The following MYO1C variants were observed in gnomAD, a reference collection of about 807,000 sequenced individuals.
The protein encoded by MYO1C is unconventional myosin-Ic.
Under a neutral mutation model 150.8 loss-of-function variants are expected in MYO1C, and 104 were observed. That is an observed-to-expected ratio of 0.69 (90% confidence interval 0.59 to 0.81). MYO1C has a LOEUF of 0.81. Ranked by LOEUF, MYO1C falls within the 30% of genes least tolerant of loss-of-function variation. The pLI, the probability that MYO1C is intolerant of heterozygous loss-of-function variation, is 0.00. For synonymous variants in MYO1C, 663 were observed against 579.9 expected (o/e 1.14, Z -2.06); for missense variants, 1,504 against 1,435.0 (o/e 1.05, Z -0.78).
chr17:1,470,123 C>T lies in MYO1C; in HGVS notation c.2526+52G>A, dbSNP rs1458000204. ...TCCTTTGGCCCGAAGAAATCAGACC[C>T]TTCTGCTGTGTACTATGATGGTCCC... On this transcript the variant is annotated intron_variant, in intron 24 of 31. Transcript: ENST00000648651. The T allele has an allele frequency of 3.9e-6, 6 of 1,556,798 alleles. No individual in the cohort carries two copies. The East Asian group carries it at 9.0e-5, about 23-fold the overall frequency.
rs1300292212 is a variant in MYO1C, at chr17:1,478,602, G to A, written c.1212+14C>T. ...TCCCTTCTGCCTTGGGAGCAGTGTG[G>A]ACCGAGCCCTCACCTTGGAGGCCAG... On this transcript the variant is annotated intron_variant, in intron 10 of 31. Transcript: ENST00000648651. The surrounding 1 kb of genome is among the most constrained non-coding windows in gnomAD (Gnocchi z 6.3). 6.2e-7 allele frequency: 1 copy of A among 1,613,972 alleles called. No individual in the cohort carries two copies. Among genetic ancestry groups the A allele is most frequent in the East Asian group, 2.2e-5 (1 of 44,876 alleles).
chr17:1,488,156 C>A (rs796491368), intron 1 of MYO1C, among the ~76,000 whole-genome samples: 1 of 150,906 alleles, frequency 6.6e-6, no homozygotes. Flanking sequence ...CAGTGTCCGC[C>A]CCGCCCCTCC....
intron 19 of MYO1C, among the ~76,000 whole-genome samples, chr17:1,471,703 G>A (rs2074306799): frequency 6.6e-6 from 1 of 152,178 alleles, no homozygotes; most frequent in East Asian, 1.9e-4. Flanking sequence ...GCTCCTGGAG[G>A]GCACGGCCTG....
rs371600599 is a variant in MYO1C, at chr17:1,474,825, C to T, written c.1703G>A (p.Arg568Gln). 46 of 1,613,884 alleles carry T rather than the reference C, an allele frequency of 2.9e-5. 1 individual carries two copies. Among genetic ancestry groups the T allele is most frequent in the Middle Eastern group, 1.6e-4 (1 of 6,084 alleles). Reference sequence around the variant, plus strand: ...CGTCCTCCTCACCTCCTTAAGGTTCCGGAAGAGAAGGTCATTGTTTTTGTC... The same window carrying T: ...CGTCCTCCTCACCTCCTTAAGGTTCTGGAAGAGAAGGTCATTGTTTTTGTC... ...FLDKNNDLLFRNLKETMCSSK... is the reference protein window; with the variant it reads ...FLDKNNDLLFQNLKETMCSSK... The change falls in exon 16 of 32, where the codon CGG becomes CAG. Residue 568 changes from arginine to glutamine, a missense_variant. Transcript: ENST00000648651.
rs45575936 is a variant in MYO1C, at chr17:1,468,520, A to G, written c.2611-24T>C. The G allele has an allele frequency of 0.067, 107,210 of 1,594,588 alleles. 4,336 individuals carry two copies. The highest frequency in any genetic ancestry group is 0.083 in the Non-Finnish European group (95,960 of 1,163,118). The stretch of plus-strand genomic sequence containing the variant: ...AGCTGAGGAGACAAGGGGGGTGAGG[A>G]GAGTGTCATGGTGGGGAGCACCATC... On this transcript the variant is annotated intron_variant, in intron 25 of 31. Coordinates refer to ENST00000648651, the MANE Select transcript of MYO1C (RefSeq NM_001080779.2).
intron 17 of MYO1C, among the ~76,000 whole-genome samples, chr17:1,474,285 G>A (rs1022505444): frequency 3.9e-5 from 6 of 151,958 alleles, no homozygotes; most frequent in South Asian, 4.2e-4. Context: ...AAAATTAGCC[G>A]GGCATGGTGG....
intron 1 of MYO1C, among the ~76,000 whole-genome samples, chr17:1,490,242 A>C (rs1024506357): frequency 4.6e-5 from 7 of 151,712 alleles, no homozygotes; most frequent in Admixed American, 3.3e-4. Flanking sequence ...TCAGGCCTGT[A>C]ATCCCAGCAC....
Position 1,465,632 on chromosome 17 carries a change from T to C in MYO1C, c.*94A>G. 8.0e-7 allele frequency: 1 copy of C among 1,244,192 alleles called. No homozygotes were observed. Among genetic ancestry groups the C allele is most frequent in the South Asian group, 2.8e-5 (1 of 35,998 alleles). The allele number at this position is 1,244,192 out of a possible 1,614,324, so 77.1% of individuals were successfully genotyped here. A position where few individuals can be genotyped will look rare whatever the true frequency, so the allele number is the denominator to read the frequency against. On this transcript the variant is annotated 3_prime_UTR_variant, in exon 32 of 32. Coordinates refer to ENST00000648651, the MANE Select transcript of MYO1C (RefSeq NM_001080779.2). ...AGGTGGGCTTCGGGGTGTCCCTGGG[T>C]CCCTGTCTGGAAGTTCGAGTCTTTG... is the stretch of plus-strand genomic sequence containing the variant.
chr17:1,474,818 A>G lies in MYO1C; in HGVS notation c.1710T>C (p.Leu570=). Residue 570 remains leucine (L), a synonymous_variant, in exon 16 of 32, where the codon CTT becomes CTC. Coordinates refer to ENST00000648651, the MANE Select transcript of MYO1C (RefSeq NM_001080779.2). ...DKNNDLLFRN[L]KETMCSSKNP... The stretch of plus-strand genomic sequence containing the variant: ...CTCCCCACGTCCTCCTCACCTCCTT[A>G]AGGTTCCGGAAGAGAAGGTCATTGT... 3 of 1,609,570 alleles carry G rather than the reference A, an allele frequency of 1.9e-6. No homozygotes were observed. The highest frequency in any genetic ancestry group is 2.5e-6 in the Non-Finnish European group (3 of 1,178,782).
At chr17:1,466,881 C>T (rs979515689) in intron 31 of MYO1C, among the ~76,000 whole-genome samples, 4 of 152,162 alleles carry the variant, frequency 2.6e-5, no homozygotes, top group African/African-American at 9.7e-5. Flanking sequence ...CACACCTCGG[C>T]CTCCCAAAGT....
At chr17:1,481,200 C>G (rs1175535246) in intron 5 of MYO1C, 1 of 402,772 alleles carries the variant, frequency 2.5e-6, no homozygotes, top group Admixed American at 3.8e-5. Context: ...GTCTGCCCTC[C>G]TTGGTCAGTG....
intron 1 of MYO1C, among the ~76,000 whole-genome samples, chr17:1,487,657 C>A (rs2074680231): frequency 6.6e-6 from 1 of 152,336 alleles, no homozygotes; most frequent in South Asian, 2.1e-4. Context: ...GTGGCTCACG[C>A]CTGTAATCCC....
At chr17:1,471,201 A>C in intron 20 of MYO1C, 22 bp downstream of exon 20, 3 of 1,613,724 alleles carry the variant, frequency 1.9e-6, no homozygotes, top group Non-Finnish European at 2.5e-6. Flanking sequence ...CCCCGCAGGC[A>C]CCCGGCACGG....
At position 1,474,662 on chromosome 17, in the gene MYO1C, A is replaced by G; in HGVS notation, c.1745T>C (p.Met582Thr). ...CTCGCTCCGGTCAAAGCACTGGCTC[A>G]TAATGGGATTCTTTGAGCTACACAT... is the stretch of plus-strand genomic sequence containing the variant. ...ETMCSSKNPI[M>T]SQCFDRSELS... is the part of the protein sequence containing the mutation. Residue 582 changes from methionine to threonine, a missense_variant, in exon 17 of 32, where the codon ATG (methionine) becomes ACG (threonine). Coordinates refer to ENST00000648651, the MANE Select transcript of MYO1C (RefSeq NM_001080779.2). The G allele has an allele frequency of 6.2e-7, 1 of 1,614,062 alleles. No homozygotes were observed. The highest frequency in any genetic ancestry group is 1.1e-5 in the South Asian group (1 of 91,086).
chr17:1,471,893 G>GGACC lies in MYO1C; in HGVS notation c.2021+10_2021+13dup. Reference sequence around the variant, plus strand: ...CGCTCCCCTTCCCTGGCACCGAGCAGGACCTGCCCCCACCTTTGCAGGAAA... The same window carrying GGACC: ...CGCTCCCCTTCCCTGGCACCGAGCAGGACCGACCTGCCCCCACCTTTGCAGGAAA... On this transcript the variant is annotated intron_variant, in intron 19 of 31. Coordinates refer to ENST00000648651, the MANE Select transcript of MYO1C (RefSeq NM_001080779.2). 1 of 1,613,134 alleles carries GGACC rather than the reference G, an allele frequency of 6.2e-7. No homozygotes were observed. Among genetic ancestry groups the GGACC allele is most frequent in the South Asian group, 1.1e-5 (1 of 91,072 alleles).
intron 31 of MYO1C, among the ~76,000 whole-genome samples, chr17:1,466,491 C>T (rs1021730904): frequency 2.0e-5 from 3 of 152,130 alleles, no homozygotes; most frequent in Non-Finnish European, 4.4e-5. Context: ...CCACCACACT[C>T]GGCTAATTTT....
chr17:1,466,294 G>A (rs2074169821), intron 31 of MYO1C, among the ~76,000 whole-genome samples: 1 of 151,264 alleles, frequency 6.6e-6, no homozygotes, highest in African/African-American at 2.4e-5. Flanking sequence ...CTGAGCAACT[G>A]GGACTACAGG....
chr17:1,471,655 G>A (rs1236945665), intron 19 of MYO1C, among the ~76,000 whole-genome samples: 2 of 152,178 alleles, frequency 1.3e-5, no homozygotes, highest in Non-Finnish European at 2.9e-5. Flanking sequence ...TCTGGTGCCC[G>A]GCACGTGGAC....
At position 1,484,196 on chromosome 17, in the gene MYO1C, G is replaced by C. The variant is rs571719982; in HGVS notation, c.183C>G (p.Ala61=). Residue 61 remains alanine, a synonymous_variant, in exon 2 of 32, where the codon GCC becomes GCG. Transcript: ENST00000648651. ...GCCGCCGCAGGTTCTCGATGAAGGC[G>C]GCCTCGCTGGTGAAGTTCTCCAGCA... The part of the protein sequence containing the change: ...FVLLENFTSE[A]AFIENLRRRF... 15 of 1,612,858 alleles carry C rather than the reference G, an allele frequency of 9.3e-6. No individual in the cohort carries two copies. The highest frequency in any genetic ancestry group is 3.3e-4 in the Middle Eastern group (2 of 6,084).
Sources: allele counts gnomAD v4.1 joint callset (sites outside exome capture counted in the v4.1 genomes callset), GRCh38; gene constraint gnomAD v4.1.1; non-coding constraint Gnocchi (gnomAD v3.1); transcripts MANE v1.5; gene names NCBI Gene and HGNC (gene_info 2026-07-23, HGNC 2026-07-21).